USP10: variants seen among roughly 807,000 people sequenced by gnomAD.
The protein encoded by USP10 is ubiquitin specific peptidase 10, also known as ubiquitin carboxyl-terminal hydrolase 10.
A neutral mutation model predicts 84.5 loss-of-function variants in USP10; 22 were observed. That is an observed-to-expected ratio of 0.26 (90% CI 0.19 to 0.37). USP10 has a LOEUF of 0.37. USP10 is among the 10% of genes least tolerant of loss of function. The pLI, the probability that USP10 is intolerant of heterozygous loss-of-function variation, is 1.00. For missense variants in USP10, 1,019 were observed against 998.9 expected (o/e 1.02, Z -0.27); for synonymous variants, 454 against 387.6 (o/e 1.17, Z -2.01).
At chr16:84,748,516 C>CTGG (rs1400225678) in intron 4 of USP10, among the ~76,000 whole-genome samples, 1 of 152,008 alleles carries the variant, frequency 6.6e-6, no homozygotes, top group Non-Finnish European at 1.5e-5. Flanking sequence ...GTTGGCCAGG[C>CTGG]TGGTCTTGAG....
At chr16:84,759,541 GT>G in intron 6 of USP10, 69 bp downstream of exon 6, 1 of 1,395,678 alleles carries the variant, frequency 7.2e-7, no homozygotes, top group Non-Finnish European at 1.0e-6. Flanking sequence ...AATTGAAATA[GT>G]TTAGTAAAGC....
At chr16:84,753,573 G>A (rs1044495767) in intron 4 of USP10, among the ~76,000 whole-genome samples, 6 of 152,130 alleles carry the variant, frequency 3.9e-5, no homozygotes, top group African/African-American at 1.4e-4. Flanking sequence ...GTGATCTGCC[G>A]CACAATGAAT....
chr16:84,778,752 G>C (rs776994641), intron 13 of USP10, 143 bp from the exon 14 acceptor site: 2 of 773,094 alleles, frequency 2.6e-6, no homozygotes, highest in Admixed American at 3.0e-5. Flanking sequence ...GCATTGGTTT[G>C]TGTGATGACA....
intron 11 of USP10, among the ~76,000 whole-genome samples, chr16:84,768,804 CATT>C (rs1914129581): frequency 6.6e-6 from 1 of 152,182 alleles, no homozygotes; most frequent in African/African-American, 2.4e-5. Context: ...ATAATATAGT[CATT>C]GTAAATATAA....
chr16:84,747,681 G>A (rs1175119531), intron 4 of USP10, among the ~76,000 whole-genome samples: 1 of 147,290 alleles, frequency 6.8e-6, no homozygotes, highest in African/African-American at 2.5e-5. Flanking sequence ...CTCCTGCCTC[G>A]GCCTCCCAAG....
chr16:84,734,260 G>A (rs906304041), intron 2 of USP10, among the ~76,000 whole-genome samples: 1 of 137,658 alleles, frequency 7.3e-6, no homozygotes, highest in Non-Finnish European at 1.6e-5. Flanking sequence ...TTTCTTGCTC[G>A]TATTAAAAAA....
chr16:84,743,062 C>A (rs1910810050), intron 3 of USP10, among the ~76,000 whole-genome samples: 1 of 152,142 alleles, frequency 6.6e-6, no homozygotes, highest in South Asian at 2.1e-4. Context: ...ATCTGGGGAG[C>A]CTTGACGGCC....
intron 1 of USP10, among the ~76,000 whole-genome samples, chr16:84,710,709 G>A (rs1906169000): frequency 6.6e-6 from 1 of 152,064 alleles, no homozygotes. Flanking sequence ...TGGAATCATT[G>A]GATTTAACAG....
chr16:84,731,790 ATAGTCTGTGC>A (rs948295709), intron 1 of USP10, among the ~76,000 whole-genome samples: 18 of 150,014 alleles, frequency 1.2e-4, no homozygotes, highest in Middle Eastern at 6.9e-3. Context: ...TTTTTTTGTG[ATAGTCTGTGC>A]TAATTTTTTC....
At chr16:84,721,897 C>T (rs960426677) in intron 1 of USP10, among the ~76,000 whole-genome samples, 30 of 152,306 alleles carry the variant, frequency 2.0e-4, no homozygotes, top group Middle Eastern at 3.4e-3. Flanking sequence ...AGGGTTTCAC[C>T]GTGTTGCCTA....
In USP10 at chr16:84,700,223, A is replaced by T. The variant is rs928258628; in HGVS notation, c.21+112A>T. On this transcript the variant is annotated intron_variant, in intron 1 of 13. Transcript: ENST00000219473. Reference sequence around the variant, plus strand: ...CGGAGCGAGCGTGTGGGAGTGGGGGAGGGCGCTGGGACACGCTGCCCGGGC... The same window carrying T: ...CGGAGCGAGCGTGTGGGAGTGGGGGTGGGCGCTGGGACACGCTGCCCGGGC... The T allele has an allele frequency of 4.5e-6, 4 of 879,378 alleles. No homozygotes were observed. The East Asian group carries it at 2.4e-4, about 52-fold the overall frequency. The allele number at this position is 879,378 out of a possible 1,614,324, so 54.5% of individuals were successfully genotyped here.
intron 1 of USP10, chr16:84,732,580 G>A (rs543861200): frequency 1.9e-4 from 65 of 334,092 alleles, no homozygotes; most frequent in Non-Finnish European, 3.4e-4. Context: ...CCGAGCAGCC[G>A]GGACTACAGG....
chr16:84,760,821 C>T lies in USP10; in HGVS notation c.1554+546C>T, dbSNP rs374356066. Among the ~76,000 whole-genome samples the T allele has an allele frequency of 6.8e-4, 104 of 152,216 alleles. 1 individual carries two copies. The South Asian group carries it at 0.02, about 29-fold the overall frequency. ...TGGGGCTGTTGAGAGTGACTTGGGC[C>T]GCCCTTAGCACCGTTAACTGGAGCA... On this transcript the variant is annotated intron_variant, in intron 8 of 13. Transcript: ENST00000219473.
intron 1 of USP10, among the ~76,000 whole-genome samples, chr16:84,720,230 C>T (rs756257535): frequency 9.2e-5 from 14 of 152,144 alleles, no homozygotes; most frequent in Admixed American, 4.6e-4. Context: ...GAAGCTCTGC[C>T]GTGGCGATGT....
At chr16:84,742,076 T>C (rs1910692022) in intron 3 of USP10, among the ~76,000 whole-genome samples, 1 of 152,222 alleles carries the variant, frequency 6.6e-6, no homozygotes, top group Non-Finnish European at 1.5e-5. Context: ...TTTTTTAATT[T>C]TTTTATATTT....
At position 84,759,357 on chromosome 16, in the gene USP10, A is replaced by G. The variant is rs1912935890; in HGVS notation, c.1285-6A>G. 3 of 1,613,462 alleles carry G rather than the reference A, an allele frequency of 1.9e-6. No homozygotes were observed. Among genetic ancestry groups the G allele is most frequent in the South Asian group, 1.1e-5 (1 of 91,072 alleles). On this transcript the variant is annotated splice_polypyrimidine_tract_variant and splice_region_variant and intron_variant, in intron 5 of 13. Coordinates refer to ENST00000219473, the MANE Select transcript of USP10 (RefSeq NM_005153.3). ...TCCTTTACGCTTCCTTACTGCCACT[A>G]CATAGACACTGCAGGCATTGGTTGC...
chr16:84,764,955 T>TATATATATATA (rs59894880), intron 10 of USP10, among the ~76,000 whole-genome samples: 2 of 144,194 alleles, frequency 1.4e-5, no homozygotes, highest in Non-Finnish European at 3.0e-5. Context: ...TATATATATA[T>TATATATATATA]TAGACTTCAT....
chr16:84,777,659 C>T (rs11644667), intron 13 of USP10, among the ~76,000 whole-genome samples: 1 of 152,010 alleles, frequency 6.6e-6, no homozygotes, highest in South Asian at 2.1e-4. Flanking sequence ...GACTGGTGGC[C>T]TCAGTCATAA....
intron 12 of USP10, 43 bp from the exon 13 acceptor site, chr16:84,775,117 C>G (rs1914861229): frequency 6.3e-7 from 1 of 1,580,392 alleles, no homozygotes; most frequent in Non-Finnish European, 8.7e-7. Flanking sequence ...TTACCCTGAA[C>G]CTTTCTAAAA....
Sources: allele counts gnomAD v4.1 joint callset (sites outside exome capture counted in the v4.1 genomes callset), GRCh38; gene constraint gnomAD v4.1.1; transcripts MANE v1.5; gene names NCBI Gene and HGNC (gene_info 2026-07-23, HGNC 2026-07-21).